The following PWP1 variants were observed in gnomAD, a reference collection of about 807,000 sequenced individuals.
PWP1 encodes PWP1 homolog, endonuclein.
In PWP1, 47 loss-of-function variants were observed where a neutral mutation model predicts 69.9. The observed-to-expected ratio is 0.67, with a 90% confidence interval of 0.53 to 0.86. The LOEUF (loss-of-function observed/expected upper bound fraction) is 0.86. PWP1 is among the 40% of genes least tolerant of loss of function. The pLI is 0.00. For missense variants in PWP1, 551 were observed against 608.8 expected (o/e 0.91, Z 1.00); for synonymous variants, 222 against 208.2 (o/e 1.07, Z -0.57).
chr12:107,692,366 G>T (rs930905015), intron 3 of PWP1, among the ~76,000 whole-genome samples: 1 of 152,196 alleles, frequency 6.6e-6, no homozygotes, highest in Non-Finnish European at 1.5e-5. Flanking sequence ...GAGCAACCTG[G>T]TTAATTTTTT....
At position 107,685,838 on chromosome 12, in the gene PWP1, C is replaced by T. The variant is rs755934299; in HGVS notation, c.-62C>T. 6.4e-6 allele frequency: 10 copies of T among 1,558,352 alleles called. 1 individual carries two copies. The South Asian group carries it at 7.8e-5, about 12-fold the overall frequency. The stretch of plus-strand genomic sequence containing the variant: ...GATCCCTGAGCGTGTGGCAGCAGTG[C>T]GGTCGTGGTCCCTCCCTATGCAGCC... On this transcript the variant is annotated 5_prime_UTR_variant, in exon 1 of 15. Transcript: ENST00000412830.
rs1341263184 is a variant in PWP1 at position 107,685,913 on chromosome 12, G to A, written c.14G>A (p.Arg5His). 6.2e-7 allele frequency: 1 copy of A among 1,613,872 alleles called. No homozygotes were observed. The highest frequency in any genetic ancestry group is 8.5e-7 in the Non-Finnish European group (1 of 1,179,964). ...GACTTGAGGACCATGAACCGCAGCCGCCAGGTGACGTGCGTGGCCTGGGTC... is the reference window on the plus strand; with the variant it reads ...GACTTGAGGACCATGAACCGCAGCCACCAGGTGACGTGCGTGGCCTGGGTC... MNRS[R>H]QVTCVAWVRC... is the part of the protein sequence containing the mutation. Residue 5 changes from arginine to histidine, a missense_variant, in exon 1 of 15, where the codon CGC (arginine) becomes CAC (histidine). Transcript: ENST00000412830.
At chr12:107,693,970 C>T (rs765952702) in intron 5 of PWP1, among the ~76,000 whole-genome samples, 1 of 152,138 alleles carries the variant, frequency 6.6e-6, no homozygotes, top group Admixed American at 6.5e-5. Context: ...ACCAAAACAT[C>T]GTGATCACCT....
chr12:107,696,854 T>A (rs1374314897), intron 6 of PWP1, among the ~76,000 whole-genome samples: 7 of 152,184 alleles, frequency 4.6e-5, no homozygotes, highest in Non-Finnish European at 1.0e-4. Flanking sequence ...TGTAGAACTG[T>A]AAAGGTCCCA....
intron 1 of PWP1, chr12:107,686,242 G>A: frequency 1.3e-5 from 7 of 538,828 alleles, no homozygotes. Context: ...GACTTAGCGG[G>A]CCGGAAAGGG....
At chr12:107,706,274 A>G (rs1407962822) in intron 11 of PWP1, among the ~76,000 whole-genome samples, 1 of 151,960 alleles carries the variant, frequency 6.6e-6, no homozygotes, top group Non-Finnish European at 1.5e-5. Context: ...GTTTGAGTTC[A>G]TTGTAGATTC....
intron 12 of PWP1, 21 bp from the exon 13 acceptor site, chr12:107,709,090 T>A (rs1208154436): frequency 6.2e-7 from 1 of 1,613,756 alleles, no homozygotes; most frequent in Non-Finnish European, 8.5e-7. Flanking sequence ...AGCGAAAGTG[T>A]CTAAACTTAT....
chr12:107,697,072 T>C (rs1310604309), intron 6 of PWP1, among the ~76,000 whole-genome samples: 3 of 152,260 alleles, frequency 2.0e-5, no homozygotes, highest in African/African-American at 7.2e-5. Context: ...CTGTTTATAC[T>C]GTCTTACGTC....
intron 13 of PWP1, among the ~76,000 whole-genome samples, chr12:107,709,685 C>T (rs926063782): frequency 6.6e-6 from 1 of 152,038 alleles, no homozygotes; most frequent in African/African-American, 2.4e-5. Context: ...TAACCAGATT[C>T]ACTCAAGAAA....
chr12:107,709,441 A>G (rs1396393824), intron 13 of PWP1, among the ~76,000 whole-genome samples: 2 of 151,486 alleles, frequency 1.3e-5, no homozygotes, highest in Non-Finnish European at 2.9e-5. Flanking sequence ...TTCTTTTCCA[A>G]CTCACATGAT....
intron 3 of PWP1, 132 bp from the exon 4 acceptor site, chr12:107,692,682 C>G: frequency 1.3e-6 from 1 of 757,614 alleles, no homozygotes; most frequent in Non-Finnish European, 2.1e-6. Flanking sequence ...AGTTTCCTTT[C>G]CCAACTCTAG....
At chr12:107,689,294 T>C (rs1889435648) in intron 3 of PWP1, among the ~76,000 whole-genome samples, 1 of 152,206 alleles carries the variant, frequency 6.6e-6, no homozygotes, top group Non-Finnish European at 1.5e-5. Context: ...CAGTATATTA[T>C]CATTATTTGA....
chr12:107,708,853 ATGACTT>A, intron 11 of PWP1, 67 bp from the exon 12 acceptor site: 2 of 1,337,594 alleles, frequency 1.5e-6, no homozygotes, highest in South Asian at 2.4e-5. Context: ...GATTTTCACT[ATGACTT>A]AGACTTTTTA....
In PWP1 at chr12:107,693,200, T is replaced by G. The variant is rs946396160; in HGVS notation, c.502+104T>G. 3.5e-6 allele frequency: 5 copies of G among 1,441,148 alleles called. No individual in the cohort carries two copies. In the African/African-American group the frequency reaches 7.2e-5, roughly 21 times the overall value. The allele number at this position is 1,441,148 out of a possible 1,614,324, so 89.3% of individuals were successfully genotyped here. On this transcript the variant is annotated intron_variant, in intron 5 of 14. Coordinates refer to ENST00000412830, the MANE Select transcript of PWP1 (RefSeq NM_007062.3). ...AGGTGCCAGATCCTATTGTATCTCA[T>G]TTAAGTTGGTTACATAGTTAACTTT...
intron 14 of PWP1, among the ~76,000 whole-genome samples, chr12:107,711,458 GGAAA>G (rs1889950921): frequency 6.6e-6 from 1 of 152,126 alleles, no homozygotes; most frequent in Admixed American, 6.6e-5. Context: ...GGGGAAAGCT[GGAAA>G]GAAATATAGC....
chr12:107,693,209 GT>G (rs1469206063), intron 5 of PWP1, 113 bp downstream of exon 5: 1 of 1,417,260 alleles, frequency 7.1e-7, no homozygotes, highest in Non-Finnish European at 9.2e-7. Context: ...ATTTAAGTTG[GT>G]TACATAGTTA....
At chr12:107,704,321 C>T (rs947372327) in intron 10 of PWP1, among the ~76,000 whole-genome samples, 2 of 152,116 alleles carry the variant, frequency 1.3e-5, no homozygotes, top group Non-Finnish European at 2.9e-5. Flanking sequence ...GCTCTGAGCT[C>T]GGCCAGAGAA....
chr12:107,686,969 CAAAAAAA>C (rs61728433), intron 1 of PWP1, among the ~76,000 whole-genome samples: 731 of 106,632 alleles, frequency 6.9e-3, no homozygotes, highest in South Asian at 0.011. Flanking sequence ...GACTCCGTCT[CAAAAAAA>C]AAAAAAAAAA....
chr12:107,691,033 T>C (rs1889470768), intron 3 of PWP1, among the ~76,000 whole-genome samples: 1 of 152,056 alleles, frequency 6.6e-6, no homozygotes, highest in South Asian at 2.1e-4. Context: ...TGGGTAGAGA[T>C]GGGATTGACC....
Sources: allele counts gnomAD v4.1 joint callset (sites outside exome capture counted in the v4.1 genomes callset), GRCh38; gene constraint gnomAD v4.1.1; transcripts MANE v1.5; gene names NCBI Gene and HGNC (gene_info 2026-07-23, HGNC 2026-07-21).